MTUS1: variants seen among roughly 807,000 people sequenced by gnomAD.
MTUS1 encodes the protein microtubule-associated tumor suppressor 1.
A neutral mutation model predicts 120.8 loss-of-function variants in MTUS1; 109 were observed. The ratio of observed to expected loss-of-function variants is 0.90; its 90% confidence interval spans 0.77 to 1.06. The LOEUF is 1.06. MTUS1 is among the 50% of genes least tolerant of loss of function. The probability of loss-of-function intolerance (pLI) is 0.00; values close to 1 mark genes in which losing one functional copy is unlikely to be tolerated. For synonymous variants in MTUS1, 737 were observed against 550.5 expected (o/e 1.34, Z -4.74); for missense variants, 2,210 against 1,486.3 (o/e 1.49, Z -8.01).
chr8:17,751,937 G>A (rs1185411880), intron 2 of MTUS1, among the ~76,000 whole-genome samples: 1 of 148,332 alleles, frequency 6.7e-6, no homozygotes, highest in Non-Finnish European at 1.5e-5. Flanking sequence ...AAGCATATGC[G>A]AATATGGGAC....
At chr8:17,764,397 A>T (rs1398299773) in intron 1 of MTUS1, among the ~76,000 whole-genome samples, 1 of 93,782 alleles carries the variant, frequency 1.1e-5, no homozygotes, top group African/African-American at 3.7e-5. Context: ...TATGAAAGAA[A>T]ACTGCAAAAA....
intron 4 of MTUS1, among the ~76,000 whole-genome samples, chr8:17,717,163 C>A (rs401231): frequency 0.76 from 114,999 of 152,038 alleles, 44,171 homozygotes; most frequent in Middle Eastern, 0.88. Flanking sequence ...GCCATCTGTT[C>A]ATTGTTCTCG....
intron 4 of MTUS1, chr8:17,721,877 T>G (rs1458345770): frequency 1.9e-6 from 3 of 1,613,654 alleles, no homozygotes; most frequent in Non-Finnish European, 2.5e-6. Flanking sequence ...TCTGTACAAC[T>G]GCGAAATCCT....
chr8:17,761,333 AATC>A (rs1222937035), intron 1 of MTUS1, among the ~76,000 whole-genome samples: 3 of 152,220 alleles, frequency 2.0e-5, no homozygotes, highest in Non-Finnish European at 4.4e-5. Context: ...TAAAGAACTG[AATC>A]ATTATATTAA....
At chr8:17,647,989 T>A (rs757174386) in intron 13 of MTUS1, among the ~76,000 whole-genome samples, 19 of 152,170 alleles carry the variant, frequency 1.2e-4, no homozygotes, top group Non-Finnish European at 2.1e-4. Flanking sequence ...CCTGTTCAGG[T>A]TAAATCACTT....
At position 17,684,356 on chromosome 8, in the gene MTUS1, G is replaced by C. The variant is rs758018626; in HGVS notation, c.2810C>G (p.Thr937Arg). 1.9e-6 allele frequency: 3 copies of C among 1,614,000 alleles called. No homozygotes were observed. The highest frequency in any genetic ancestry group is 1.3e-5 in the African/African-American group (1 of 74,912). ...ACGNTKFEALTVVIQHLLSER... is the reference protein window; with the variant it reads ...ACGNTKFEALRVVIQHLLSER... ...AGACAGCAGGTGCTGAATCACAACT[G>C]TCAATGCCTCAAACTTGGTATTACC... Residue 937 changes from threonine to arginine, a missense_variant, in exon 7 of 15, where the codon ACA (threonine) becomes AGA (arginine). Transcript: ENST00000693296.
chr8:17,729,984 CAAAAAAA>C (rs36018422), intron 3 of MTUS1, among the ~76,000 whole-genome samples: 9 of 85,876 alleles, frequency 1.0e-4, no homozygotes, highest in South Asian at 7.3e-4. Context: ...ATGCTATCAT[CAAAAAAA>C]AAAAAAAAAA....
chr8:17,747,120 G>A (rs907320859), intron 2 of MTUS1, among the ~76,000 whole-genome samples: 5 of 152,136 alleles, frequency 3.3e-5, no homozygotes, highest in African/African-American at 1.2e-4. Flanking sequence ...CTGTCTTCCA[G>A]ATAACATCTT....
At chr8:17,741,232 C>T (rs991291044) in intron 3 of MTUS1, among the ~76,000 whole-genome samples, 1 of 152,124 alleles carries the variant, frequency 6.6e-6, no homozygotes, top group South Asian at 2.1e-4. Context: ...GGATCCCACT[C>T]TTATGACCCC....
intron 1 of MTUS1, among the ~76,000 whole-genome samples, chr8:17,786,347 C>T (rs1298485373): frequency 6.6e-6 from 1 of 152,072 alleles, no homozygotes; most frequent in African/African-American, 2.4e-5. Flanking sequence ...CACCCGCTGC[C>T]ATGATGCTAA....
At chr8:17,661,292 C>T (rs530449394) in intron 8 of MTUS1, among the ~76,000 whole-genome samples, 5 of 152,234 alleles carry the variant, frequency 3.3e-5, no homozygotes, top group Admixed American at 6.5e-5. Flanking sequence ...TCTAGTTTCA[C>T]GCAGGCTTTT....
At chr8:17,649,276 C>G (rs912901827) in intron 13 of MTUS1, among the ~76,000 whole-genome samples, 31 of 152,088 alleles carry the variant, frequency 2.0e-4, no homozygotes, top group African/African-American at 7.0e-4. Context: ...AGGCTGGTCT[C>G]GAACTCCTGA....
intron 8 of MTUS1, among the ~76,000 whole-genome samples, chr8:17,663,498 G>C (rs897434622): frequency 2.0e-5 from 3 of 152,206 alleles, no homozygotes; most frequent in Non-Finnish European, 4.4e-5. Context: ...TAATAGGATA[G>C]AGCCAAAATT....
chr8:17,731,790 G>T (rs879582224), intron 3 of MTUS1, among the ~76,000 whole-genome samples: 1 of 152,202 alleles, frequency 6.6e-6, no homozygotes, highest in African/African-American at 2.4e-5. Flanking sequence ...TGAATACAAA[G>T]AGTTGATAAC....
chr8:17,663,527 G>GTCAC (rs1344217510), intron 8 of MTUS1, among the ~76,000 whole-genome samples: 7 of 152,196 alleles, frequency 4.6e-5, no homozygotes, highest in Admixed American at 1.3e-4. Context: ...TCAAATCTCA[G>GTCAC]TCACACCACT....
chr8:17,799,947 A>G (rs985595735), intron 1 of MTUS1, among the ~76,000 whole-genome samples: 2 of 152,162 alleles, frequency 1.3e-5, no homozygotes, highest in Non-Finnish European at 2.9e-5. Flanking sequence ...ATGAAAAAAA[A>G]AAAATCTGTA....
intron 4 of MTUS1, chr8:17,723,328 G>C: frequency 3.1e-6 from 1 of 323,228 alleles, no homozygotes; most frequent in Middle Eastern, 1.1e-3. Context: ...TTCCACAGGA[G>C]ATAGTCTTTT....
chr8:17,676,020 A>T (rs1216333637), intron 7 of MTUS1: 3 of 525,772 alleles, frequency 5.7e-6, no homozygotes, highest in Non-Finnish European at 1.0e-5. Context: ...GTTCCTTAAA[A>T]GGTAGATTCC....
chr8:17,719,559 A>AGTG (rs1823004063), intron 4 of MTUS1, among the ~76,000 whole-genome samples: 1 of 152,230 alleles, frequency 6.6e-6, no homozygotes, highest in South Asian at 2.1e-4. Flanking sequence ...GTAAGTACTA[A>AGTG]CATGTTTTGT....
Sources: gnomAD v4.1 joint callset for allele counts (sites outside exome capture counted in the v4.1 genomes callset) on GRCh38, gnomAD v4.1.1 for gene constraint, MANE v1.5 for transcripts, NCBI Gene and HGNC (gene_info 2026-07-23, HGNC 2026-07-21) for gene names.